ARHGAP32: variants seen among roughly 807,000 people sequenced by gnomAD.
ARHGAP32 encodes the protein rho GTPase-activating protein 32.
ARHGAP32 carries 51 observed loss-of-function variants against 186.5 expected under a neutral mutation model. The ratio of observed to expected loss-of-function variants is 0.27; its 90% CI spans 0.22 to 0.35. ARHGAP32 has a LOEUF of 0.35. Among genes scored for constraint, ARHGAP32 ranks in the 10% least tolerant of loss-of-function variants. ARHGAP32 has a pLI of 1.00. For synonymous variants in ARHGAP32, 950 were observed against 964.3 expected, an observed-to-expected ratio of 0.99 and a Z score of 0.27; for missense variants, 2,186 against 2,623.5, an observed-to-expected ratio of 0.83 and a Z score of 3.64.
At chr11:129,172,833 A>G (rs1006807736) in intron 1 of ARHGAP32, among the ~76,000 whole-genome samples, 5 of 152,174 alleles carry the variant, frequency 3.3e-5, no homozygotes, top group South Asian at 4.1e-4. Flanking sequence ...AAATGCCCAC[A>G]TCAGAAAGCA....
At position 128,992,659 on chromosome 11, in the gene ARHGAP32, C is replaced by T. The variant is rs960181579; in HGVS notation, c.1196-4534G>A. 1.4e-4 allele frequency among the ~76,000 whole-genome samples: 22 copies of T among 151,822 alleles called. No individual in the cohort carries two copies. The South Asian group carries it at 2.5e-3, about 17-fold the overall frequency. On this transcript the variant is annotated intron_variant, in intron 12 of 22. Transcript: ENST00000682385. ...AAAATTAGCCAGGCATGGTGGTGGG[C>T]GCCTGTAATCCCAGCTACTCAGGAG... is the stretch of plus-strand genomic sequence containing the variant.
intron 2 of ARHGAP32, among the ~76,000 whole-genome samples, chr11:129,157,813 T>C (rs1207758848): frequency 1.3e-5 from 2 of 152,022 alleles, no homozygotes; most frequent in African/African-American, 4.8e-5. Flanking sequence ...GGAAAAAATG[T>C]TAAGGGCAGC....
At position 129,049,904 on chromosome 11, in the gene ARHGAP32, T is replaced by C. The variant is rs116417037; in HGVS notation, c.964-8895A>G. 9.7e-3 allele frequency among the ~76,000 whole-genome samples: 1,485 copies of C among 152,326 alleles called. 22 individuals are homozygous for C. Among genetic ancestry groups the C allele is most frequent in the African/African-American group, 0.028 (1,181 of 41,588 alleles). On this transcript the variant is annotated intron_variant, in intron 10 of 22. Coordinates refer to ENST00000682385, the MANE Select transcript of ARHGAP32 (RefSeq NM_001378024.1). ...AAACAGTTAGATCGTGTGGTAAGTG[T>C]ACAGTAATTCCTCCCTTAACGTCAT... is the stretch of plus-strand genomic sequence containing the variant.
At chr11:129,163,567 A>G (rs974493025) in intron 2 of ARHGAP32, among the ~76,000 whole-genome samples, 3 of 152,036 alleles carry the variant, frequency 2.0e-5, no homozygotes, top group Non-Finnish European at 4.4e-5. Context: ...TTCATTGACA[A>G]CAGCTGTCTT....
intron 11 of ARHGAP32, among the ~76,000 whole-genome samples, chr11:129,016,779 C>T (rs2134864341): frequency 1.3e-5 from 2 of 152,280 alleles, no homozygotes; most frequent in East Asian, 3.9e-4. Flanking sequence ...ATTGAAGCTG[C>T]ACTGAATTAT....
chr11:129,216,628 G>A (rs914225185), intron 1 of ARHGAP32, among the ~76,000 whole-genome samples: 4 of 141,664 alleles, frequency 2.8e-5, no homozygotes, highest in East Asian at 2.1e-4. Context: ...CCAAGATTGC[G>A]CCACTGCACT....
chr11:129,077,802 C>T (rs1021822844), intron 6 of ARHGAP32, among the ~76,000 whole-genome samples: 11 of 152,152 alleles, frequency 7.2e-5, no homozygotes, highest in African/African-American at 2.7e-4. Flanking sequence ...CTTAGCCAAG[C>T]TTGTATCCCC....
chr11:129,034,931 G>A (rs1939269712), intron 11 of ARHGAP32, among the ~76,000 whole-genome samples: 2 of 151,024 alleles, frequency 1.3e-5, no homozygotes. Context: ...AAGGAGAGGA[G>A]AAAGAGAATT....
intron 6 of ARHGAP32, among the ~76,000 whole-genome samples, chr11:129,071,400 C>T (rs1183828907): frequency 6.6e-6 from 1 of 151,584 alleles, no homozygotes; most frequent in East Asian, 1.9e-4. Flanking sequence ...GGCAAAAGCA[C>T]TGAACAGACA....
chr11:129,096,764 C>A (rs915231982), intron 5 of ARHGAP32, among the ~76,000 whole-genome samples: 1 of 152,216 alleles, frequency 6.6e-6, no homozygotes, highest in Non-Finnish European at 1.5e-5. Context: ...GCTAAAGTGA[C>A]TGGCAGCAGA....
intron 2 of ARHGAP32, among the ~76,000 whole-genome samples, chr11:129,137,044 A>C (rs1274941548): frequency 6.6e-6 from 1 of 152,010 alleles, no homozygotes. Flanking sequence ...AGTTTAATAC[A>C]CTATATTGCA....
intron 1 of ARHGAP32, among the ~76,000 whole-genome samples, chr11:129,172,214 G>A (rs540392130): frequency 6.6e-6 from 1 of 152,110 alleles, no homozygotes; most frequent in East Asian, 1.9e-4. Context: ...TGTTGAATAG[G>A]AGTGGTGAGA....
At chr11:129,092,133 T>C (rs182461377) in intron 6 of ARHGAP32, among the ~76,000 whole-genome samples, 1 of 152,148 alleles carries the variant, frequency 6.6e-6, no homozygotes, top group East Asian at 1.9e-4. Context: ...ACTAATACTG[T>C]ACATGAATAT....
At chr11:129,160,924 C>T (rs574809568) in intron 2 of ARHGAP32, among the ~76,000 whole-genome samples, 3 of 152,130 alleles carry the variant, frequency 2.0e-5, no homozygotes, top group African/African-American at 7.2e-5. Context: ...GCTACAGTAA[C>T]CAAAACAGCA....
chr11:129,113,330 A>G (rs1019973827), intron 5 of ARHGAP32, among the ~76,000 whole-genome samples: 11 of 152,190 alleles, frequency 7.2e-5, no homozygotes, highest in African/African-American at 2.7e-4. Context: ...AAATTATTAC[A>G]GTAGTACAGT....
chr11:129,184,653 C>G (rs1944122396), intron 1 of ARHGAP32, among the ~76,000 whole-genome samples: 1 of 151,824 alleles, frequency 6.6e-6, no homozygotes, highest in African/African-American at 2.4e-5. Context: ...AAATTTCTTC[C>G]CTAACACAAA....
intron 2 of ARHGAP32, among the ~76,000 whole-genome samples, chr11:129,146,426 T>C (rs1203212810): frequency 1.3e-5 from 2 of 152,150 alleles, no homozygotes; most frequent in Non-Finnish European, 2.9e-5. Context: ...CATATCCACA[T>C]TGTATATGCT....
In ARHGAP32 at chr11:129,066,884, A is replaced by C; in HGVS notation, c.532-16T>G. On this transcript the variant is annotated splice_polypyrimidine_tract_variant and intron_variant, in intron 6 of 22. Transcript: ENST00000682385. ...AACTTTTTCCCTATTGGTAGAAAAA[A>C]GAAACTCATATAATTCACCTCTATT... 1 of 1,580,708 alleles carries C rather than the reference A, an allele frequency of 6.3e-7. No homozygotes were observed. The highest frequency in any genetic ancestry group is 8.6e-7 in the Non-Finnish European group (1 of 1,159,276).
intron 11 of ARHGAP32, among the ~76,000 whole-genome samples, chr11:129,028,861 C>T (rs1374105561): frequency 2.0e-5 from 3 of 152,096 alleles, no homozygotes; most frequent in Non-Finnish European, 4.4e-5. Context: ...GAAGGCATTT[C>T]AGGGTGTAGG....
Sources: allele counts gnomAD v4.1 joint callset (sites outside exome capture counted in the v4.1 genomes callset), GRCh38; gene constraint gnomAD v4.1.1; transcripts MANE v1.5; gene names NCBI Gene and HGNC (gene_info 2026-07-23, HGNC 2026-07-21).